The following ANKIB1 variants were observed in gnomAD, a reference collection of about 807,000 sequenced individuals.
ANKIB1 encodes ankyrin repeat and IBR domain-containing protein 1.
A neutral mutation model predicts 122.1 loss-of-function variants in ANKIB1; 43 were observed. That is an observed-to-expected ratio of 0.35 (90% CI 0.28 to 0.45). The LOEUF (loss-of-function observed/expected upper bound fraction) is 0.45, where lower values mean the gene tolerates loss of function less well. ANKIB1 is among the 20% of genes least tolerant of loss of function. The pLI is 1.00. For synonymous variants in ANKIB1, 390 were observed against 442.0 expected (o/e 0.88, Z 1.48); for missense variants, 992 against 1,329.5 (o/e 0.75, Z 3.95).
chr7:92,263,416 T>A (rs1585077120), intron 1 of ANKIB1, among the ~76,000 whole-genome samples: 1 of 152,344 alleles, frequency 6.6e-6, no homozygotes, highest in East Asian at 1.9e-4. Flanking sequence ...AAAGCTTATA[T>A]TTCCCACTTT....
chr7:92,291,420 T>C (rs990259593), intron 1 of ANKIB1, among the ~76,000 whole-genome samples: 7 of 152,176 alleles, frequency 4.6e-5, no homozygotes, highest in Non-Finnish European at 1.0e-4. Context: ...ATATCTCATG[T>C]ACTCCCTAAA....
rs370682409 is a variant in ANKIB1, at chr7:92,327,171, T to C, written c.670-612T>C. ...AATCCAAAATTTTAAAACTGTAAGATAAGATGGTCTTGCCATTATACTATG... is the reference window on the plus strand; with the variant it reads ...AATCCAAAATTTTAAAACTGTAAGACAAGATGGTCTTGCCATTATACTATG... On this transcript the variant is annotated intron_variant, in intron 4 of 19. Transcript: ENST00000265742. Among the ~76,000 whole-genome samples the C allele has an allele frequency of 3.3e-5, 5 of 152,358 alleles. No individual in the cohort carries two copies. The South Asian group carries it at 1.0e-3, about 32-fold the overall frequency.
intron 11 of ANKIB1, among the ~76,000 whole-genome samples, chr7:92,382,652 T>C (rs981760778): frequency 2.0e-5 from 3 of 152,076 alleles, no homozygotes; most frequent in South Asian, 2.1e-4. Context: ...GGGTACATAA[T>C]GAAATGAAGG....
At chr7:92,347,376 T>C (rs1263482440) in intron 7 of ANKIB1, among the ~76,000 whole-genome samples, 1 of 152,182 alleles carries the variant, frequency 6.6e-6, no homozygotes, top group Non-Finnish European at 1.5e-5. Context: ...CAGTTCTTCT[T>C]CCAGTGTGGC....
chr7:92,383,446 A>T (rs1804564060), intron 11 of ANKIB1, among the ~76,000 whole-genome samples: 1 of 152,184 alleles, frequency 6.6e-6, no homozygotes, highest in East Asian at 1.9e-4. Flanking sequence ...AAAAAAAGAG[A>T]ATTTTAGACT....
chr7:92,279,102 T>G (rs1801964792), intron 1 of ANKIB1, among the ~76,000 whole-genome samples: 1 of 152,184 alleles, frequency 6.6e-6, no homozygotes, highest in Admixed American at 6.5e-5. Context: ...CTAGATCCTT[T>G]GTGTGTGCAG....
chr7:92,319,601 T>C lies in ANKIB1; in HGVS notation c.669+89T>C, dbSNP rs535305764. ...TATTTTTCTTCTTTAAAACTCAGTT[T>C]GTGTGTTCTTCTTTACAGTATTCTA... is the stretch of plus-strand genomic sequence containing the variant. On this transcript the variant is annotated intron_variant, in intron 4 of 19. Transcript: ENST00000265742. The C allele has an allele frequency of 1.8e-4, 234 of 1,290,978 alleles. 3 individuals carry two copies. In the South Asian group the frequency reaches 2.8e-3, roughly 16 times the overall value. 80.0% of individuals were successfully genotyped at this position (1,290,978 alleles called of 1,614,324 possible). A position where few individuals can be genotyped will look rare whatever the true frequency, so the allele number is the denominator to read the frequency against.
rs962477557 is a variant in ANKIB1 at position 92,386,647 on chromosome 7, A to C, written c.1752+4A>C. 14 of 1,592,298 alleles carry C rather than the reference A, an allele frequency of 8.8e-6. No individual in the cohort carries two copies. Among genetic ancestry groups the C allele is most frequent in the Non-Finnish European group, 1.1e-5 (13 of 1,171,126 alleles). ...ATCCAAGGAAATGACTGTGGAGGTA[A>C]AGAGAACCAATTAAGCCAAGACATC... On this transcript the variant is annotated splice_donor_region_variant and intron_variant, in intron 12 of 19. Transcript: ENST00000265742.
chr7:92,250,789 T>C (rs1801314633), intron 1 of ANKIB1, among the ~76,000 whole-genome samples: 2 of 152,262 alleles, frequency 1.3e-5, no homozygotes, highest in Non-Finnish European at 1.5e-5. Context: ...TTCTGTCTAA[T>C]ACTTTTTCAG....
chr7:92,288,244 C>G (rs1802176769), intron 1 of ANKIB1, among the ~76,000 whole-genome samples: 1 of 152,092 alleles, frequency 6.6e-6, no homozygotes, highest in Non-Finnish European at 1.5e-5. Flanking sequence ...TCTAAAGCAC[C>G]ATTCATAATA....
intron 1 of ANKIB1, 129 bp downstream of exon 1, chr7:92,246,648 C>G: frequency 2.2e-6 from 1 of 451,212 alleles, no homozygotes; most frequent in Non-Finnish European, 4.4e-6. Context: ...TGTTTTGGAG[C>G]ATTGTTGTTC....
intron 14 of ANKIB1, 103 bp from the exon 15 acceptor site, chr7:92,389,865 AATG>A: frequency 8.2e-7 from 1 of 1,215,322 alleles, no homozygotes; most frequent in Non-Finnish European, 1.1e-6. Context: ...TTTTTGTCCT[AATG>A]ATCCTTCTTT....
In ANKIB1 at chr7:92,253,423, T is replaced by C. The variant is rs542317999; in HGVS notation, c.-91+6904T>C. Among the ~76,000 whole-genome samples, 35 of 152,310 alleles carry C rather than the reference T, an allele frequency of 2.3e-4. 1 individual carries two copies. The South Asian group carries it at 7.0e-3, about 31-fold the overall frequency. On this transcript the variant is annotated intron_variant, in intron 1 of 19. Transcript: ENST00000265742. ...ACCCTTCACTGGGCCTATGACTCTG[T>C]GCAACTCTCTGTTTCCACACAACAC...
At chr7:92,329,704 G>T (rs879912852) in intron 5 of ANKIB1, among the ~76,000 whole-genome samples, 1 of 152,168 alleles carries the variant, frequency 6.6e-6, no homozygotes, top group Non-Finnish European at 1.5e-5. Flanking sequence ...CCAGAAACTT[G>T]AAAGTCATAT....
intron 9 of ANKIB1, among the ~76,000 whole-genome samples, chr7:92,354,211 A>G (rs892035199): frequency 3.3e-5 from 5 of 152,232 alleles, no homozygotes; most frequent in African/African-American, 7.2e-5. Context: ...GTCAGACTCT[A>G]TAAACATAGA....
intron 5 of ANKIB1, among the ~76,000 whole-genome samples, chr7:92,333,383 C>T (rs913946304): frequency 6.6e-6 from 1 of 152,036 alleles, no homozygotes; most frequent in Non-Finnish European, 1.5e-5. Context: ...AAGGGTGTTA[C>T]CCTCCCTCCT....
chr7:92,337,354 A>G (rs1422401744), intron 5 of ANKIB1, among the ~76,000 whole-genome samples: 1 of 152,186 alleles, frequency 6.6e-6, no homozygotes, highest in East Asian at 1.9e-4. Flanking sequence ...TTATCGTGTT[A>G]AAACAGTATC....
intron 1 of ANKIB1, among the ~76,000 whole-genome samples, chr7:92,287,425 T>C (rs977079032): frequency 6.6e-6 from 1 of 152,254 alleles, no homozygotes; most frequent in African/African-American, 2.4e-5. Context: ...GTTTCTGTGA[T>C]ATTTTCTCAT....
At chr7:92,357,469 T>G (rs1185616402) in intron 9 of ANKIB1, among the ~76,000 whole-genome samples, 2 of 152,092 alleles carry the variant, frequency 1.3e-5, no homozygotes, top group Non-Finnish European at 2.9e-5. Context: ...GCTCACTGGC[T>G]TACGGGTATA....
Sources: allele counts gnomAD v4.1 joint callset (sites outside exome capture counted in the v4.1 genomes callset), GRCh38; gene constraint gnomAD v4.1.1; transcripts MANE v1.5; gene names NCBI Gene and HGNC (gene_info 2026-07-23, HGNC 2026-07-21).